DCHS2: variants seen among roughly 807,000 people sequenced by gnomAD.
DCHS2 encodes the protein dachsous cadherin-related 2, also known as protocadherin-23.
DCHS2 carries 142 observed loss-of-function variants against 182.4 expected under a neutral mutation model. The ratio of observed to expected loss-of-function variants is 0.78; its 90% CI spans 0.68 to 0.89. DCHS2 has a LOEUF of 0.89. Among genes scored for constraint, DCHS2 ranks in the 40% least tolerant of loss-of-function variants. The pLI is 0.00. For missense variants in DCHS2, 4,319 were observed against 4,198.6 expected, an observed-to-expected ratio of 1.03 and a Z score of -0.79; for synonymous variants, 1,740 against 1,663.3, an observed-to-expected ratio of 1.05 and a Z score of -1.12.
chr4:154,441,376 A>G (rs1002322216), intron 1 of DCHS2, among the ~76,000 whole-genome samples: 1 of 152,182 alleles, frequency 6.6e-6, no homozygotes, highest in Non-Finnish European at 1.5e-5. Flanking sequence ...AATTAATTAA[A>G]CACAGTAAAT....
chr4:154,321,251 T>G (rs768862169), intron 8 of DCHS2, 29 bp from the exon 9 acceptor site: 2 of 1,451,668 alleles, frequency 1.4e-6, no homozygotes, highest in Non-Finnish European at 1.8e-6. Flanking sequence ...AGATATTAAT[T>G]TGGGGTATTT....
chr4:154,381,506 C>G (rs933339336), intron 1 of DCHS2, among the ~76,000 whole-genome samples: 1 of 152,064 alleles, frequency 6.6e-6, no homozygotes, highest in African/African-American at 2.4e-5. Context: ...TCTCTCTTTA[C>G]TGACAATATA....
chr4:154,386,982 A>G (rs1731449882), intron 1 of DCHS2, among the ~76,000 whole-genome samples: 1 of 152,246 alleles, frequency 6.6e-6, no homozygotes, highest in African/African-American at 2.4e-5. Context: ...AGGCAAAAAG[A>G]AAAGAAAACT....
chr4:154,312,151 C>A (rs1052188525), intron 10 of DCHS2, among the ~76,000 whole-genome samples: 1 of 152,118 alleles, frequency 6.6e-6, no homozygotes, highest in African/African-American at 2.4e-5. Context: ...TGTTCCATAG[C>A]TTTGGATTGG....
At position 154,292,270 on chromosome 4, in the gene DCHS2, C is replaced by G. The variant is rs1734702922; in HGVS notation, c.6463+5581G>C. ...TTCTTCAGGGTTCTTCAAGCTATTG[C>G]CACTTTCCTTTCTTTCCCTTCATAG... On this transcript the variant is annotated intron_variant, in intron 13 of 19. Transcript: ENST00000357232. 1.3e-5 allele frequency among the ~76,000 whole-genome samples: 2 copies of G among 152,288 alleles called. 1 individual carries two copies. The highest frequency in any genetic ancestry group is 6.8e-3 in the Middle Eastern group (2 of 294).
At position 154,234,458 on chromosome 4, in the gene DCHS2, C is replaced by A; in HGVS notation, c.*78G>T. The A allele has an allele frequency of 2.8e-6, 4 of 1,433,266 alleles. No individual in the cohort carries two copies. The highest frequency in any genetic ancestry group is 3.7e-6 in the Non-Finnish European group (4 of 1,089,800). 88.8% of individuals were successfully genotyped at this position (1,433,266 alleles called of 1,614,324 possible). A position where few individuals can be genotyped will look rare whatever the true frequency, so the allele number is the denominator to read the frequency against. ...GCTTTTAGATAAAAATGAGCCCAAT[C>A]TCGAGTTGCTGGCTTGAAAACATTT... On this transcript the variant is annotated 3_prime_UTR_variant, in exon 20 of 20. Coordinates refer to ENST00000357232, the MANE Select transcript of DCHS2 (RefSeq NM_001358235.2).
intron 15 of DCHS2, among the ~76,000 whole-genome samples, chr4:154,258,372 T>A (rs1216144944): frequency 7.1e-6 from 1 of 140,946 alleles, no homozygotes; most frequent in African/African-American, 2.7e-5. Flanking sequence ...AAAGGCTTTT[T>A]TTTTTTTTTT....
chr4:154,302,215 G>GA (rs900068191), intron 12 of DCHS2, among the ~76,000 whole-genome samples: 3 of 152,012 alleles, frequency 2.0e-5, no homozygotes, highest in African/African-American at 7.3e-5. Context: ...ACATATAATT[G>GA]AAAAAAACTT....
At chr4:154,365,567 C>T (rs1730309309) in intron 3 of DCHS2, among the ~76,000 whole-genome samples, 1 of 151,844 alleles carries the variant, frequency 6.6e-6, no homozygotes, top group South Asian at 2.1e-4. Flanking sequence ...CAGCCTCAAA[C>T]TCCTGGCCTC....
At chr4:154,241,426 C>G (rs1731820121) in intron 17 of DCHS2, among the ~76,000 whole-genome samples, 1 of 152,078 alleles carries the variant, frequency 6.6e-6, no homozygotes, top group Non-Finnish European at 1.5e-5. Context: ...AAGCAAATCT[C>G]AAATATTATT....
intron 13 of DCHS2, among the ~76,000 whole-genome samples, chr4:154,280,424 A>T (rs1288480234): frequency 6.6e-6 from 1 of 152,148 alleles, no homozygotes; most frequent in Non-Finnish European, 1.5e-5. Context: ...CTAAAAAGAA[A>T]GTTTTCTTCA....
rs778709803 is a variant in DCHS2 at position 154,308,434 on chromosome 4, A to G, written c.5261-3203T>C. On this transcript the variant is annotated intron_variant, in intron 10 of 19. Transcript: ENST00000357232. ...ATGTGCTGGCCATCACGCCATTGTC[A>G]TCTCACTCTATACATTCATGTCTTC... Among the ~76,000 whole-genome samples, 3 of 152,272 alleles carry G rather than the reference A, an allele frequency of 2.0e-5. No homozygotes were observed. In the East Asian group the frequency reaches 5.8e-4, roughly 29 times the overall value.
Position 154,242,618 on chromosome 4 carries a change from A to G in DCHS2, c.7072+24T>C, listed in dbSNP as rs376364793. 2.1e-5 allele frequency: 33 copies of G among 1,605,208 alleles called. 1 individual carries two copies. In the African/African-American group the frequency reaches 2.8e-4, roughly 14 times the overall value. ...GATATTATACAAGTTAATCAAAACC[A>G]CTATGCCAAATTGTCACACTTACCT... On this transcript the variant is annotated intron_variant, in intron 17 of 19. Coordinates refer to ENST00000357232, the MANE Select transcript of DCHS2 (RefSeq NM_001358235.2).
At chr4:154,465,465 T>C (rs1281693348) in intron 1 of DCHS2, among the ~76,000 whole-genome samples, 1 of 152,018 alleles carries the variant, frequency 6.6e-6, no homozygotes, top group Admixed American at 6.6e-5. Context: ...GGTCGGGAGC[T>C]CAAGACCAGC....
At chr4:154,450,361 G>C (rs1734483092) in intron 1 of DCHS2, among the ~76,000 whole-genome samples, 1 of 152,188 alleles carries the variant, frequency 6.6e-6, no homozygotes, top group Admixed American at 6.5e-5. Flanking sequence ...CTTGGACTGT[G>C]CATCTTCCAA....
chr4:154,304,661 A>AAACAAACT lies in DCHS2; in HGVS notation c.5605+7_5605+8insAGTTTGTT, dbSNP rs1735368624. The AAACAAACT allele has an allele frequency of 7.2e-7, 1 of 1,386,894 alleles. No individual in the cohort carries two copies. The highest frequency in any genetic ancestry group is 1.5e-5 in the African/African-American group (1 of 67,752). 85.9% of individuals were successfully genotyped at this position (1,386,894 alleles called of 1,614,324 possible). On this transcript the variant is annotated splice_region_variant and intron_variant, in intron 12 of 19. Transcript: ENST00000357232. ...CAAACAAACAAACAAACAAACAAAC[A>AAACAAACT]AACTTACCAATTATGTGATATTCAA...
At chr4:154,370,019 C>T (rs555458617) in intron 2 of DCHS2, among the ~76,000 whole-genome samples, 1 of 152,310 alleles carries the variant, frequency 6.6e-6, no homozygotes, top group East Asian at 1.9e-4. Context: ...ATATTAATAA[C>T]ATCTCTCCTT....
chr4:154,337,175 G>T (rs1578981303), intron 3 of DCHS2, among the ~76,000 whole-genome samples: 1 of 152,252 alleles, frequency 6.6e-6, no homozygotes, highest in East Asian at 1.9e-4. Context: ...TAAAGTCTCT[G>T]ATTGATTGAA....
In DCHS2 at chr4:154,479,978, T is replaced by C. The variant is rs534119627; in HGVS notation, c.2052+9326A>G. Among the ~76,000 whole-genome samples the C allele has an allele frequency of 1.2e-3, 185 of 152,328 alleles. 1 individual carries two copies. The highest frequency in any genetic ancestry group is 4.3e-3 in the African/African-American group (179 of 41,586). On this transcript the variant is annotated intron_variant, in intron 1 of 19. Coordinates refer to ENST00000357232, the MANE Select transcript of DCHS2 (RefSeq NM_001358235.2). ...ATATTGTGTTCTTGTTTATACACAA[T>C]GTAACAGAACAGCCTTTGTATTATT...
Sources: allele counts gnomAD v4.1 joint callset (sites outside exome capture counted in the v4.1 genomes callset), GRCh38; gene constraint gnomAD v4.1.1; transcripts MANE v1.5; gene names NCBI Gene and HGNC (gene_info 2026-07-23, HGNC 2026-07-21).